ADAMTSL1: variants seen among roughly 807,000 people sequenced by gnomAD.
The protein encoded by ADAMTSL1 is ADAMTS like 1.
In ADAMTSL1, 126 loss-of-function variants were observed where a neutral mutation model predicts 201.8. The ratio of observed to expected loss-of-function variants is 0.62; its 90% CI spans 0.54 to 0.72. The LOEUF (loss-of-function observed/expected upper bound fraction) is 0.72, where lower values mean the gene tolerates loss of function less well. Among genes scored for constraint, ADAMTSL1 ranks in the 30% least tolerant of loss-of-function variants. The probability of loss-of-function intolerance (pLI) is 0.00; values close to 1 mark genes in which losing one functional copy is unlikely to be tolerated. For missense variants in ADAMTSL1, 2,679 were observed against 2,277.8 expected (o/e 1.18, Z -3.59); for synonymous variants, 1,121 against 903.4 (o/e 1.24, Z -4.32).
chr9:17,975,857 C>T (rs1363545197), intron 1 of ADAMTSL1, among the ~76,000 whole-genome samples: 1 of 151,950 alleles, frequency 6.6e-6, no homozygotes, highest in Non-Finnish European at 1.5e-5. Context: ...GATTTCAGTT[C>T]TGATATTTAA....
Position 17,914,735 on chromosome 9 carries a change from C to T in ADAMTSL1, c.87+7813C>T, listed in dbSNP as rs541043600. 8.2e-4 allele frequency among the ~76,000 whole-genome samples: 125 copies of T among 151,884 alleles called. 1 individual carries two copies. The highest frequency in any genetic ancestry group is 2.9e-3 in the African/African-American group (120 of 41,352). ...TAGGAAAAGAGGAAGTCAAATTGTC[C>T]CTGTTTGCAGATGACATGATTGTAT... On this transcript the variant is annotated intron_variant, in intron 1 of 29. Coordinates refer to the ADAMTSL1 transcript ENST00000680146.
intron 2 of ADAMTSL1, among the ~76,000 whole-genome samples, chr9:18,169,569 A>G (rs1360078361): frequency 6.6e-6 from 1 of 152,088 alleles, no homozygotes; most frequent in African/African-American, 2.4e-5. Flanking sequence ...TGATGCCTCC[A>G]GCTTTGTTCT....
intron 1 of ADAMTSL1, among the ~76,000 whole-genome samples, chr9:18,048,495 A>G (rs781058886): frequency 5.9e-5 from 9 of 152,210 alleles, no homozygotes; most frequent in Non-Finnish European, 1.0e-4. Context: ...CAAACATACC[A>G]TATATGTAAG....
rs552912128 is a variant in ADAMTSL1 at position 18,443,791 on chromosome 9, G to C, written c.208-61038G>C. The stretch of plus-strand genomic sequence containing the variant: ...ACATGGATTATAGCTCTGTTAAAAC[G>C]ATCTTAGAAAAGCTAGGACTTTCTC... On this transcript the variant is annotated intron_variant, in intron 2 of 29. Coordinates refer to the ADAMTSL1 transcript ENST00000680146. Among the ~76,000 whole-genome samples, 55 of 152,242 alleles carry C rather than the reference G, an allele frequency of 3.6e-4. 1 individual carries two copies. Among genetic ancestry groups the C allele is most frequent in the African/African-American group, 1.3e-3 (53 of 41,550 alleles).
At chr9:18,876,085 G>T (rs1390334936) in intron 23 of ADAMTSL1, among the ~76,000 whole-genome samples, 4 of 152,018 alleles carry the variant, frequency 2.6e-5, no homozygotes, top group African/African-American at 9.7e-5. Flanking sequence ...GTGTTCATTT[G>T]CATGGAATAC....
In ADAMTSL1 at chr9:18,193,321, G is replaced by C. The variant is rs371880234; in HGVS notation, c.207+29340G>C. On this transcript the variant is annotated intron_variant, in intron 2 of 29. Transcript: ENST00000680146. ...ACTAGGAATGGGGAAGAATCATATAGAAATTATGTTTATGGCAGCCACAGT... is the reference window on the plus strand; with the variant it reads ...ACTAGGAATGGGGAAGAATCATATACAAATTATGTTTATGGCAGCCACAGT... Among the ~76,000 whole-genome samples the C allele has an allele frequency of 1.1e-3, 162 of 152,252 alleles. 3 individuals are homozygous for C. In the South Asian group the frequency reaches 0.032, roughly 30 times the overall value.
intron 1 of ADAMTSL1, among the ~76,000 whole-genome samples, chr9:17,971,822 T>G (rs1729385590): frequency 6.6e-6 from 1 of 151,972 alleles, no homozygotes; most frequent in South Asian, 2.1e-4. Flanking sequence ...TTTTATTATT[T>G]TATATGGGGA....
intron 16 of ADAMTSL1, 92 bp from the exon 17 acceptor site, chr9:18,770,508 TCC>T: frequency 7.8e-7 from 1 of 1,288,246 alleles, no homozygotes; most frequent in Non-Finnish European, 1.0e-6. Flanking sequence ...TTTTTTTTCT[TCC>T]TTTACTCTGC....
intron 1 of ADAMTSL1, among the ~76,000 whole-genome samples, chr9:18,045,608 G>T (rs1821624019): frequency 6.6e-6 from 1 of 151,976 alleles, no homozygotes; most frequent in East Asian, 1.9e-4. Context: ...CAAAAGCACT[G>T]CCCTTCCATA....
chr9:18,864,090 C>T (rs957795916), intron 23 of ADAMTSL1, among the ~76,000 whole-genome samples: 1 of 152,208 alleles, frequency 6.6e-6, no homozygotes, highest in Non-Finnish European at 1.5e-5. Context: ...CCACAGCTTT[C>T]TTTTCCTTTA....
intron 1 of ADAMTSL1, among the ~76,000 whole-genome samples, chr9:17,934,840 A>G (rs1464204134): frequency 1.4e-5 from 2 of 146,162 alleles, no homozygotes; most frequent in East Asian, 2.1e-4. Context: ...CTCCATCCCC[A>G]TTTGCCTATT....
chr9:18,238,713 T>C (rs1026683103), intron 2 of ADAMTSL1, among the ~76,000 whole-genome samples: 1 of 152,182 alleles, frequency 6.6e-6, no homozygotes, highest in Non-Finnish European at 1.5e-5. Flanking sequence ...AATTGACGAT[T>C]TATGTTTGTA....
At chr9:18,852,998 C>T (rs147368484) in intron 23 of ADAMTSL1, among the ~76,000 whole-genome samples, 17 of 152,256 alleles carry the variant, frequency 1.1e-4, no homozygotes, top group African/African-American at 3.9e-4. Flanking sequence ...GGAGCAGTTT[C>T]CTTACTTGTT....
intron 1 of ADAMTSL1, among the ~76,000 whole-genome samples, chr9:18,141,226 A>G (rs75273189): frequency 0.033 from 5,032 of 152,196 alleles, 122 homozygotes; most frequent in Non-Finnish European, 0.054. Context: ...AATAGTGCTG[A>G]GCTCAGTGAG....
chr9:18,460,929 T>G (rs75423900), intron 2 of ADAMTSL1, among the ~76,000 whole-genome samples: 2 of 152,294 alleles, frequency 1.3e-5, no homozygotes, highest in Admixed American at 1.3e-4. Context: ...TTGCAGACTC[T>G]TTATAAAAAC....
intron 1 of ADAMTSL1, among the ~76,000 whole-genome samples, chr9:17,945,917 GTAAC>G (rs1375096680): frequency 6.6e-6 from 1 of 151,606 alleles, no homozygotes; most frequent in Non-Finnish European, 1.5e-5. Context: ...GTATACATAT[GTAAC>G]TAACCTGCAC....
chr9:18,784,236 A>G (rs1253813390), intron 19 of ADAMTSL1, among the ~76,000 whole-genome samples: 1 of 152,222 alleles, frequency 6.6e-6, no homozygotes, highest in East Asian at 1.9e-4. Flanking sequence ...CCTATGCATA[A>G]TACTCTCTCG....
chr9:18,691,483 A>G (rs1831210450), intron 13 of ADAMTSL1, among the ~76,000 whole-genome samples: 1 of 152,138 alleles, frequency 6.6e-6, no homozygotes, highest in African/African-American at 2.4e-5. Flanking sequence ...AGTTATTCCT[A>G]CCTATATGTT....
At chr9:18,159,522 C>T (rs1827297592) in intron 1 of ADAMTSL1, among the ~76,000 whole-genome samples, 1 of 152,042 alleles carries the variant, frequency 6.6e-6, no homozygotes, top group Non-Finnish European at 1.5e-5. Context: ...TCATAATCAG[C>T]TCCCATCATA....
Sources: allele counts gnomAD v4.1 joint callset (sites outside exome capture counted in the v4.1 genomes callset), GRCh38; gene constraint gnomAD v4.1.1; transcripts MANE v1.5; gene names NCBI Gene and HGNC (gene_info 2026-07-23, HGNC 2026-07-21).